The following PRR35 variants were observed in gnomAD, a reference collection of about 807,000 sequenced individuals.
The protein encoded by PRR35 is proline-rich protein 35.
In PRR35, 14 loss-of-function variants were observed where a neutral mutation model predicts 18.6. The observed-to-expected ratio is 0.75, with a 90% CI of 0.50 to 1.18. The LOEUF (loss-of-function observed/expected upper bound fraction) is 1.18. Among genes scored for constraint, PRR35 ranks in the 50% most tolerant of loss-of-function variants. The pLI is 0.00. For missense variants in PRR35, 832 were observed against 792.2 expected (o/e 1.05, Z -0.60); for synonymous variants, 425 against 378.2 (o/e 1.12, Z -1.43).
At position 563,237 on chromosome 16, in the gene PRR35, A is replaced by T; in HGVS notation, c.-39-19A>T. On this transcript the variant is annotated intron_variant, in intron 1 of 2. Coordinates refer to ENST00000409413, the MANE Select transcript of PRR35 (RefSeq NM_145270.3). ...TTAGTCAGAGGCAGGCTTGGCACTGACTGTGGCCCCATCTACAGGTGGCCA... is the reference window on the plus strand; with the variant it reads ...TTAGTCAGAGGCAGGCTTGGCACTGTCTGTGGCCCCATCTACAGGTGGCCA... The T allele has an allele frequency of 1.3e-6, 2 of 1,514,760 alleles. No individual in the cohort carries two copies. The highest frequency in any genetic ancestry group is 1.8e-6 in the Non-Finnish European group (2 of 1,135,356). The allele number at this position is 1,514,760 out of a possible 1,614,324, so 93.8% of individuals were successfully genotyped here. A position where few individuals can be genotyped will look rare whatever the true frequency, so the allele number is the denominator to read the frequency against.
At chr16:564,506 C>T in intron 2 of PRR35, 130 bp downstream of exon 2, 1 of 1,431,362 alleles carries the variant, frequency 7.0e-7, no homozygotes, top group Non-Finnish European at 9.3e-7. Context: ...GGGCTCCAGG[C>T]CACAGAGGGG....
rs769555736 is a variant in PRR35 at position 564,830 on chromosome 16, T to C, written c.1239T>C (p.Gly413=). The part of the protein sequence containing the change: ...HVGEDLTRAL[G]DYARVEQRLG... ...GCGAGGACCTGACCCGAGCCCTCGGTGACTACGCCAGGGTGGAGCAGCGCC... is the reference window on the plus strand; with the variant it reads ...GCGAGGACCTGACCCGAGCCCTCGGCGACTACGCCAGGGTGGAGCAGCGCC... The change falls in exon 3 of 3, where the codon GGT becomes GGC. Residue 413 remains glycine (G), a synonymous_variant. Transcript: ENST00000409413. 59 of 1,559,990 alleles carry C rather than the reference T, an allele frequency of 3.8e-5. No homozygotes were observed. Among genetic ancestry groups the C allele is most frequent in the Non-Finnish European group, 4.7e-5 (54 of 1,156,654 alleles).
chr16:562,241 C>T (rs1478552961), intron 1 of PRR35, among the ~76,000 whole-genome samples: 1 of 152,226 alleles, frequency 6.6e-6, no homozygotes, highest in African/African-American at 2.4e-5. Flanking sequence ...GGCCGCTGAC[C>T]TGCCCGAAGC....
At chr16:562,115 G>C (rs971669787) in intron 1 of PRR35, among the ~76,000 whole-genome samples, 3 of 152,204 alleles carry the variant, frequency 2.0e-5, no homozygotes, top group Non-Finnish European at 4.4e-5. Flanking sequence ...ACACAGGCGC[G>C]TGCTGGGGCG....
chr16:562,550 TGCAC>T (rs1567168687), intron 1 of PRR35, among the ~76,000 whole-genome samples: 1 of 150,690 alleles, frequency 6.6e-6, no homozygotes, highest in African/African-American at 2.5e-5. Context: ...CACACGCACA[TGCAC>T]GCACACACAC....
At chr16:560,348 C>T (rs2035412205), upstream of PRR35, 1 of 982,148 alleles carries the variant, frequency 1.0e-6, no homozygotes, top group South Asian at 4.7e-5. Context: ...TCGCAGCGCC[C>T]CCCGGAGCCC....
rs779778773 is a variant in PRR35 at position 565,258 on chromosome 16, C to T, written c.1667C>T (p.Thr556Ile). The change falls in exon 3 of 3, where the codon ACC becomes ATC. Residue 556 changes from threonine (T) to isoleucine (I), a missense_variant. Thr to Ile is a moderately conservative substitution (Grantham distance 89). Transcript: ENST00000409413. Reference sequence around the variant, plus strand: ...TGTGTTGCGACGAGGAGTTCCCAGACCCCTGAGGCTGTCTGTGGCCTGCAG... The same window carrying T: ...TGTGTTGCGACGAGGAGTTCCCAGATCCCTGAGGCTGTCTGTGGCCTGCAG... ...GTCVATRSSQ[T>I]PEAVCGLQSP... 6.3e-7 allele frequency: 1 copy of T among 1,581,078 alleles called. No homozygotes were observed. The highest frequency in any genetic ancestry group is 1.2e-5 in the South Asian group (1 of 85,936).
In PRR35 at chr16:564,382, C is replaced by T. The variant is rs781575247; in HGVS notation, c.1082+6C>T. On this transcript the variant is annotated splice_donor_region_variant and intron_variant, in intron 2 of 2. Coordinates refer to ENST00000409413, the MANE Select transcript of PRR35 (RefSeq NM_145270.3). Reference sequence around the variant, plus strand: ...AGGTTCTGTTCCCGGAGCAGGTGGGCGTCTTGGGCTCCCGGTTCCTGGGGT... The same window carrying T: ...AGGTTCTGTTCCCGGAGCAGGTGGGTGTCTTGGGCTCCCGGTTCCTGGGGT... The T allele has an allele frequency of 1.4e-5, 22 of 1,589,754 alleles. No individual in the cohort carries two copies. Among genetic ancestry groups the T allele is most frequent in the South Asian group, 7.8e-5 (7 of 89,268 alleles).
chr16:564,908 G>A lies in PRR35; in HGVS notation c.1317G>A (p.Gln439=). ...GGLAPRPLRE[Q]LGKIRLELLT... is the part of the protein sequence containing the mutation. Reference sequence around the variant, plus strand: ...TGGCCCCGAGACCCCTGCGGGAGCAGCTGGGCAAGATCCGCCTGGAGCTGC... The same window carrying A: ...TGGCCCCGAGACCCCTGCGGGAGCAACTGGGCAAGATCCGCCTGGAGCTGC... The change falls in exon 3 of 3, where the codon CAG becomes CAA. Residue 439 remains glutamine, a synonymous_variant. Coordinates refer to ENST00000409413, the MANE Select transcript of PRR35 (RefSeq NM_145270.3). 6.3e-7 allele frequency: 1 copy of A among 1,594,710 alleles called. No individual in the cohort carries two copies. The highest frequency in any genetic ancestry group is 8.5e-7 in the Non-Finnish European group (1 of 1,174,472).
At chr16:560,761 C>CG in intron 1 of PRR35, 100 bp downstream of exon 1, 6 of 615,842 alleles carry the variant, frequency 9.7e-6, no homozygotes, top group Non-Finnish European at 1.2e-5. Flanking sequence ...GTGGGGGGCG[C>CG]GGGGGGCGGC....
intron 1 of PRR35, among the ~76,000 whole-genome samples, chr16:563,053 G>GCCCGGGAAGGCTCTGC (rs1355077610): frequency 5.9e-4 from 64 of 109,392 alleles, no homozygotes; most frequent in South Asian, 1.6e-3. Context: ...TTTTTTTTTG[G>GCCCGGGAAGGCTCTGC]TGCCCTGGAC....
At chr16:563,031 T>C (rs895436875) in intron 1 of PRR35, among the ~76,000 whole-genome samples, 24 of 149,550 alleles carry the variant, frequency 1.6e-4, no homozygotes, top group Admixed American at 1.3e-4. Context: ...CTCGCTGTCC[T>C]GGACTTTTTT....
chr16:563,772 G>C lies in PRR35; in HGVS notation c.478G>C (p.Glu160Gln). ...KGPGPSGLLPESWKPGMGGDP... is the reference protein window; with the variant it reads ...KGPGPSGLLPQSWKPGMGGDP... ...TCCCGGCCCCAGTGGGCTCCTGCCT[G>C]AGTCGTGGAAGCCGGGGATGGGAGG... The change falls in exon 2 of 3, where the codon GAG (glutamate) becomes CAG (glutamine). Residue 160 changes from glutamate to glutamine, a missense_variant. Glu to Gln is a conservative substitution (Grantham distance 29). Coordinates refer to ENST00000409413, the MANE Select transcript of PRR35 (RefSeq NM_145270.3). 6.7e-7 allele frequency: 1 copy of C among 1,501,824 alleles called. No individual in the cohort carries two copies. The highest frequency in any genetic ancestry group is 8.9e-7 in the Non-Finnish European group (1 of 1,125,840). 93.0% of individuals were successfully genotyped at this position (1,501,824 alleles called of 1,614,324 possible).
In PRR35 at chr16:564,875, G is replaced by A. The variant is rs778152353; in HGVS notation, c.1284G>A (p.Ala428=). 182 of 1,570,414 alleles carry A rather than the reference G, an allele frequency of 1.2e-4. No homozygotes were observed. Among genetic ancestry groups the A allele is most frequent in the Non-Finnish European group, 1.5e-4 (172 of 1,163,014 alleles). Reference sequence around the variant, plus strand: ...AGCGCCTGGGACAGTTGGGGCCCGCGGGGGGCCTGGCCCCGAGACCCCTGC... The same window carrying A: ...AGCGCCTGGGACAGTTGGGGCCCGCAGGGGGCCTGGCCCCGAGACCCCTGC... The part of the protein sequence containing the change: ...VEQRLGQLGP[A]GGLAPRPLRE... The change falls in exon 3 of 3, where the codon GCG becomes GCA. Residue 428 remains alanine, a synonymous_variant. Coordinates refer to ENST00000409413, the MANE Select transcript of PRR35 (RefSeq NM_145270.3).
In PRR35 at chr16:563,922, G is replaced by A. The variant is rs1004249760; in HGVS notation, c.628G>A (p.Gly210Ser). Residue 210 changes from glycine (G) to serine (S), a missense_variant, in exon 2 of 3, where the codon GGC becomes AGC. Coordinates refer to ENST00000409413, the MANE Select transcript of PRR35 (RefSeq NM_145270.3). ...CCACAGCCTCCACCTGTCTCTGCTG[G>A]GCGTCAACTACCCGCTCAGCCCCGG... ...EAHSLHLSLLGVNYPLSPGLF... is the reference protein window; with the variant it reads ...EAHSLHLSLLSVNYPLSPGLF... 6.3e-7 allele frequency: 1 copy of A among 1,592,154 alleles called. No homozygotes were observed. Among genetic ancestry groups the A allele is most frequent in the South Asian group, 1.1e-5 (1 of 87,734 alleles).
Position 564,278 on chromosome 16 carries a change from G to A in PRR35, c.984G>A (p.Arg328=). Reference sequence around the variant, plus strand: ...CAGGGCAGGAGGGGGAGCTGGAGCGGGCAGCCCAGAGTGACCCCAGGAGGA... The same window carrying A: ...CAGGGCAGGAGGGGGAGCTGGAGCGAGCAGCCCAGAGTGACCCCAGGAGGA... ...RDPGQEGELE[R]AAQSDPRRRL... The change falls in exon 2 of 3, where the codon CGG becomes CGA. Residue 328 remains arginine (R), a synonymous_variant. Coordinates refer to ENST00000409413, the MANE Select transcript of PRR35 (RefSeq NM_145270.3). 1 of 1,577,182 alleles carries A rather than the reference G, an allele frequency of 6.3e-7. No individual in the cohort carries two copies. The highest frequency in any genetic ancestry group is 1.3e-5 in the African/African-American group (1 of 74,548).
chr16:560,647 C>G lies in PRR35; in HGVS notation c.-54C>G. The G allele has an allele frequency of 1.1e-6, 1 of 924,860 alleles. No individual in the cohort carries two copies. The highest frequency in any genetic ancestry group is 1.3e-6 in the Non-Finnish European group (1 of 790,502). 57.3% of individuals were successfully genotyped at this position (924,860 alleles called of 1,614,324 possible). The stretch of plus-strand genomic sequence containing the variant: ...GCCTCGCAGACTTGGCGGCTCCGCT[C>G]CCGGCCGGGCGCAGGTAGGAGCGGC... On this transcript the variant is annotated 5_prime_UTR_variant, in exon 1 of 3. Coordinates refer to ENST00000409413, the MANE Select transcript of PRR35 (RefSeq NM_145270.3).
intron 2 of PRR35, 49 bp downstream of exon 2, chr16:564,425 G>A (rs766045596): frequency 5.1e-6 from 8 of 1,576,260 alleles, no homozygotes; most frequent in South Asian, 2.3e-5. Flanking sequence ...GGGGCTGGGC[G>A]GCTGGGCATG....
Position 564,719 on chromosome 16 carries a change from T to C in PRR35, c.1128T>C (p.Asp376=), listed in dbSNP as rs1004495735. 11 of 1,533,526 alleles carry C rather than the reference T, an allele frequency of 7.2e-6. No individual in the cohort carries two copies. Among genetic ancestry groups the C allele is most frequent in the Admixed American group, 2.0e-5 (1 of 51,054 alleles). 95.0% of individuals were successfully genotyped at this position (1,533,526 alleles called of 1,614,324 possible). A position where few individuals can be genotyped will look rare whatever the true frequency, so the allele number is the denominator to read the frequency against. ...TGATGCTGTGGCCTGAGGACGGGGA[T>C]CCAGGCGGCCCTGAGACCCCCGGCC... ...SSVMLWPEDG[D]PGGPETPGPE... The change falls in exon 3 of 3, where the codon GAT becomes GAC. Residue 376 remains aspartate (D), a synonymous_variant. Transcript: ENST00000409413.
Sources: gnomAD v4.1 joint callset for allele counts (sites outside exome capture counted in the v4.1 genomes callset) on GRCh38, gnomAD v4.1.1 for gene constraint, MANE v1.5 for transcripts, NCBI Gene and HGNC (gene_info 2026-07-23, HGNC 2026-07-21) for gene names.